The following IKBKB variants were observed in gnomAD, a reference collection of about 807,000 sequenced individuals.
IKBKB encodes the protein inhibitor of nuclear factor kappa B kinase subunit beta.
A neutral mutation model predicts 113.6 loss-of-function variants in IKBKB; 42 were observed. That is an observed-to-expected ratio of 0.37 (90% CI 0.29 to 0.48). The LOEUF is 0.48. Among genes scored for constraint, IKBKB ranks in the 20% least tolerant of loss-of-function variants. The pLI is 0.99. For synonymous variants in IKBKB, 296 were observed against 361.3 expected (o/e 0.82, Z 2.05); for missense variants, 673 against 939.7 (o/e 0.72, Z 3.71).
intron 6 of IKBKB, among the ~76,000 whole-genome samples, chr8:42,305,871 T>G (rs1194873552): frequency 6.6e-6 from 1 of 152,260 alleles, no homozygotes; most frequent in Non-Finnish European, 1.5e-5. Flanking sequence ...AATGAGTTCT[T>G]AGATCACCTA....
At chr8:42,313,209 G>A (rs987498808) in intron 8 of IKBKB, among the ~76,000 whole-genome samples, 1 of 152,192 alleles carries the variant, frequency 6.6e-6, no homozygotes, top group African/African-American at 2.4e-5. Context: ...CTAGCACTCT[G>A]TGAGGCCAAA....
chr8:42,290,412 T>G, intron 4 of IKBKB, 139 bp downstream of exon 4: 1 of 655,746 alleles, frequency 1.5e-6, no homozygotes, highest in South Asian at 1.8e-5. Flanking sequence ...CTGCTTTGCC[T>G]CTCAGATCCT....
At position 42,319,658 on chromosome 8, in the gene IKBKB, A is replaced by G; in HGVS notation, c.1578+12A>G. Reference sequence around the variant, plus strand: ...AGCTCTGTGGGCGGGTAGGAGACTCATTTTGGGTTTCGGAACTTACCAAGG... The same window carrying G: ...AGCTCTGTGGGCGGGTAGGAGACTCGTTTTGGGTTTCGGAACTTACCAAGG... On this transcript the variant is annotated intron_variant, in intron 15 of 21. Transcript: ENST00000520810. The G allele has an allele frequency of 6.3e-7, 1 of 1,577,104 alleles. No individual in the cohort carries two copies. Among genetic ancestry groups the G allele is most frequent in the South Asian group, 1.2e-5 (1 of 84,942 alleles).
intron 5 of IKBKB, among the ~76,000 whole-genome samples, chr8:42,300,985 G>A (rs1563328831): frequency 6.6e-6 from 1 of 152,150 alleles, no homozygotes; most frequent in Non-Finnish European, 1.5e-5. Context: ...CTCCCACGTA[G>A]CTGGGATGAA....
chr8:42,321,667 G>A (rs903844832), intron 16 of IKBKB: 14 of 476,902 alleles, frequency 2.9e-5, no homozygotes, highest in Non-Finnish European at 4.5e-5. Flanking sequence ...GACTACAGGC[G>A]CATGCCACCA....
intron 19 of IKBKB, chr8:42,325,140 G>A (rs531003499): frequency 2.6e-6 from 2 of 782,280 alleles, no homozygotes; most frequent in South Asian, 5.8e-5. Context: ...ATCAGCAGAG[G>A]GGTGACCTGA....
Position 42,290,136 on chromosome 8 carries a change from A to T in IKBKB, c.201-20A>T, listed in dbSNP as rs79010730. 2 of 1,578,922 alleles carry T rather than the reference A, an allele frequency of 1.3e-6. No individual in the cohort carries two copies. Among genetic ancestry groups the T allele is most frequent in the Non-Finnish European group, 1.7e-6 (2 of 1,148,804 alleles). ...TGGGCAGGAGCCTGGGTCTGCTCTC[A>T]TCGGTTTTCCTCCTCCTAGGCTGAC... On this transcript the variant is annotated intron_variant, in intron 3 of 21. Transcript: ENST00000520810.
At chr8:42,329,376 G>A (rs912555477) in intron 21 of IKBKB, 162 bp downstream of exon 21, 67 of 1,185,182 alleles carry the variant, frequency 5.7e-5, no homozygotes, top group Non-Finnish European at 7.0e-5. Flanking sequence ...AGGCTGGAGT[G>A]CAGTGGCATG....
chr8:42,303,988 A>G (rs138202867), intron 5 of IKBKB, among the ~76,000 whole-genome samples: 3 of 152,208 alleles, frequency 2.0e-5, no homozygotes, highest in East Asian at 1.9e-4. Context: ...GCACTGTTCT[A>G]TTTATACCAT....
At chr8:42,322,608 C>A in intron 19 of IKBKB, 114 bp downstream of exon 19, 1 of 1,083,798 alleles carries the variant, frequency 9.2e-7, no homozygotes, top group Non-Finnish European at 1.4e-6. Context: ...GCAGCCCACT[C>A]AGCTGCTGCT....
intron 20 of IKBKB, among the ~76,000 whole-genome samples, chr8:42,326,767 GC>G (rs1405709421): frequency 2.0e-5 from 3 of 152,204 alleles, no homozygotes; most frequent in Non-Finnish European, 4.4e-5. Context: ...TCACTTGAGA[GC>G]TCAGGGTTGG....
intron 5 of IKBKB, among the ~76,000 whole-genome samples, chr8:42,299,899 TTGC>T (rs1814800924): frequency 6.6e-6 from 1 of 152,238 alleles, no homozygotes; most frequent in Non-Finnish European, 1.5e-5. Flanking sequence ...ACGCTTGGCA[TTGC>T]CATTACTGCT....
At chr8:42,298,095 CTATT>C in intron 5 of IKBKB, 1 of 985,384 alleles carries the variant, frequency 1.0e-6, no homozygotes, top group Middle Eastern at 5.2e-4. Flanking sequence ...TGAGTGGACT[CTATT>C]TAAACAGTCT....
chr8:42,289,973 A>C (rs1812260276), intron 3 of IKBKB, among the ~76,000 whole-genome samples, 183 bp from the exon 4 acceptor site: 1 of 152,092 alleles, frequency 6.6e-6, no homozygotes. Flanking sequence ...TGGTGCTGTG[A>C]GTGGGGCTGG....
At chr8:42,318,959 G>A in intron 13 of IKBKB, 2 of 533,322 alleles carry the variant, frequency 3.8e-6, no homozygotes, top group Non-Finnish European at 3.3e-6. Flanking sequence ...TCACTACCAT[G>A]TGGATTAGCA....
At chr8:42,305,932 C>T (rs1193974546) in intron 6 of IKBKB, among the ~76,000 whole-genome samples, 1 of 152,256 alleles carries the variant, frequency 6.6e-6, no homozygotes, top group African/African-American at 2.4e-5. Flanking sequence ...CTGTGACTAC[C>T]ACAGGGCTCG....
chr8:42,274,034 A>T (rs1411127777), intron 2 of IKBKB, among the ~76,000 whole-genome samples: 5 of 147,016 alleles, frequency 3.4e-5, no homozygotes, highest in Non-Finnish European at 6.0e-5. Flanking sequence ...AATATACAAT[A>T]TTTTTTTTTT....
chr8:42,304,207 G>A (rs372554056), intron 5 of IKBKB, among the ~76,000 whole-genome samples: 1 of 152,098 alleles, frequency 6.6e-6, no homozygotes, highest in African/African-American at 2.4e-5. Context: ...AGCTCTCTAG[G>A]CTACATCTCC....
intron 5 of IKBKB, among the ~76,000 whole-genome samples, chr8:42,302,396 G>A (rs1815404247): frequency 6.6e-6 from 1 of 152,166 alleles, no homozygotes; most frequent in African/African-American, 2.4e-5. Context: ...ACTTAGGAAG[G>A]AAATGAAAAG....
Sources: gnomAD v4.1 joint callset for allele counts (sites outside exome capture counted in the v4.1 genomes callset) on GRCh38, gnomAD v4.1.1 for gene constraint, MANE v1.5 for transcripts, NCBI Gene and HGNC (gene_info 2026-07-23, HGNC 2026-07-21) for gene names.